Variants in DNTT observed in about 807,000 individuals in gnomAD.
DNTT encodes DNA nucleotidylexotransferase.
Under a neutral mutation model 60.9 loss-of-function variants are expected in DNTT, and 47 were observed. That is an observed-to-expected ratio of 0.77 (90% CI 0.61 to 0.98). The LOEUF (loss-of-function observed/expected upper bound fraction) is 0.98. Among genes scored for constraint, DNTT ranks in the 50% least tolerant of loss-of-function variants. The pLI, the probability that DNTT is intolerant of heterozygous loss-of-function variation, is 0.00. For missense variants in DNTT, 665 were observed against 627.5 expected (o/e 1.06, Z -0.64); for synonymous variants, 224 against 221.2 (o/e 1.01, Z -0.11).
intron 1 of DNTT, among the ~76,000 whole-genome samples, chr10:96,310,126 C>A (rs573295294): frequency 6.6e-6 from 1 of 152,150 alleles, no homozygotes; most frequent in Non-Finnish European, 1.5e-5. Context: ...AGGGACCAAC[C>A]CCCCTACTAC....
intron 1 of DNTT, among the ~76,000 whole-genome samples, chr10:96,314,825 C>T (rs1346471398): frequency 6.6e-6 from 1 of 152,082 alleles, no homozygotes. Flanking sequence ...TAGTAATATT[C>T]TAATATTGTT....
chr10:96,305,327 T>A (rs1034247635), intron 1 of DNTT, among the ~76,000 whole-genome samples: 5 of 152,192 alleles, frequency 3.3e-5, no homozygotes, highest in African/African-American at 1.2e-4. Context: ...TGAGATGTAA[T>A]CAGAGCCCAG....
In DNTT at chr10:96,338,302, G is replaced by C. The variant is rs12573172; in HGVS notation, c.*78G>C. On this transcript the variant is annotated 3_prime_UTR_variant, in exon 11 of 11. Coordinates refer to ENST00000371174, the MANE Select transcript of DNTT (RefSeq NM_004088.4). ...CTTCATATTAGTAAAAGATGCCATA[G>C]GAGAGTTTGGGGTTATTTAGGTCTT... is the stretch of plus-strand genomic sequence containing the variant. 1 of 1,350,320 alleles carries C rather than the reference G, an allele frequency of 7.4e-7. No individual in the cohort carries two copies. The highest frequency in any genetic ancestry group is 2.1e-5 in the Admixed American group (1 of 47,888). The allele number at this position is 1,350,320 out of a possible 1,614,324, so 83.6% of individuals were successfully genotyped here.
chr10:96,325,332 A>G (rs1393101123), intron 6 of DNTT, among the ~76,000 whole-genome samples: 2 of 152,242 alleles, frequency 1.3e-5, no homozygotes, highest in African/African-American at 4.8e-5. Context: ...TTTATATTCC[A>G]GGACCCTGAA....
intron 3 of DNTT, among the ~76,000 whole-genome samples, chr10:96,319,783 A>T (rs1398655704): frequency 6.6e-6 from 1 of 152,230 alleles, no homozygotes; most frequent in African/African-American, 2.4e-5. Flanking sequence ...AAACCAAAAA[A>T]TTGAGCAAAC....
At chr10:96,312,379 G>C (rs1344226118) in intron 1 of DNTT, among the ~76,000 whole-genome samples, 1 of 152,156 alleles carries the variant, frequency 6.6e-6, no homozygotes, top group Non-Finnish European at 1.5e-5. Context: ...GTGGAAATGA[G>C]ACTGTGTGAC....
Position 96,328,820 on chromosome 10 carries a change from G to A in DNTT, c.1103G>A (p.Trp368Ter), listed in dbSNP as rs770537754. The part of the protein sequence containing the change: ...EQLLQKVMNL[W>*]EKKGLLLYYD... ...CTTTTACAGAAAGTGATGAACTTAT[G>A]GGAAAAGAAGGTGAGAAGAAAGATG... The change falls in exon 8 of 11, where the codon TGG becomes TAG. Residue 368 changes from tryptophan (W) to a stop codon, truncating the protein, a stop_gained. Coordinates refer to ENST00000371174, the MANE Select transcript of DNTT (RefSeq NM_004088.4). LOFTEE classifies it high-confidence loss of function. The A allele has an allele frequency of 8.1e-6, 13 of 1,612,428 alleles. No homozygotes were observed. The highest frequency in any genetic ancestry group is 6.8e-6 in the Non-Finnish European group (8 of 1,179,562).
chr10:96,324,852 A>C (rs1022535680), intron 6 of DNTT, among the ~76,000 whole-genome samples: 2 of 152,324 alleles, frequency 1.3e-5, no homozygotes, highest in Non-Finnish European at 1.5e-5. Flanking sequence ...GGCTGCTAAG[A>C]ATACTTGAAC....
intron 8 of DNTT, among the ~76,000 whole-genome samples, chr10:96,330,099 G>A (rs906394963): frequency 1.3e-5 from 2 of 152,222 alleles, no homozygotes; most frequent in East Asian, 1.9e-4. Flanking sequence ...GTAGATAGCC[G>A]GGGCTGGAGA....
At chr10:96,312,205 C>T (rs1355467736) in intron 1 of DNTT, among the ~76,000 whole-genome samples, 1 of 152,138 alleles carries the variant, frequency 6.6e-6, no homozygotes, top group Non-Finnish European at 1.5e-5. Context: ...TAGGCTGGGG[C>T]AGTTCAATAG....
At position 96,313,652 on chromosome 10, in the gene DNTT, T is replaced by G. The variant is rs76241017; in HGVS notation, c.204-4700T>G. On this transcript the variant is annotated intron_variant, in intron 1 of 10. Coordinates refer to ENST00000371174, the MANE Select transcript of DNTT (RefSeq NM_004088.4). Reference sequence around the variant, plus strand: ...TTAAGTAAGAATATGTGCACATGTGTGTATGTCATTATCATTATCTTTGCT... The same window carrying G: ...TTAAGTAAGAATATGTGCACATGTGGGTATGTCATTATCATTATCTTTGCT... 7.4e-3 allele frequency among the ~76,000 whole-genome samples: 1,120 copies of G among 152,334 alleles called. 11 individuals carry two copies. Among genetic ancestry groups the G allele is most frequent in the African/African-American group, 0.026 (1,082 of 41,572 alleles).
chr10:96,318,095 G>A (rs1313896959), intron 1 of DNTT, among the ~76,000 whole-genome samples: 1 of 152,136 alleles, frequency 6.6e-6, no homozygotes, highest in African/African-American at 2.4e-5. Context: ...CTGGACCTTG[G>A]TTTTCCATCA....
At chr10:96,311,828 G>T (rs974987866) in intron 1 of DNTT, among the ~76,000 whole-genome samples, 1 of 152,136 alleles carries the variant, frequency 6.6e-6, no homozygotes, top group African/African-American at 2.4e-5. Context: ...ATTTTTAGTA[G>T]AGACGGGGTT....
At chr10:96,336,774 T>G (rs1183543275) in intron 10 of DNTT, among the ~76,000 whole-genome samples, 1 of 151,826 alleles carries the variant, frequency 6.6e-6, no homozygotes, top group East Asian at 1.9e-4. Context: ...AAACCCCATC[T>G]CTACTAAAAA....
intron 9 of DNTT, among the ~76,000 whole-genome samples, chr10:96,333,924 T>G (rs961908648): frequency 2.6e-5 from 4 of 152,172 alleles, no homozygotes; most frequent in Non-Finnish European, 5.9e-5. Flanking sequence ...ATGGTGACTA[T>G]AGTTAATAAA....
chr10:96,307,175 C>CA (rs1241739708), intron 1 of DNTT, among the ~76,000 whole-genome samples: 1 of 152,118 alleles, frequency 6.6e-6, no homozygotes, highest in Non-Finnish European at 1.5e-5. Context: ...ACCTTTACAG[C>CA]AAAACCCTAA....
intron 1 of DNTT, 104 bp from the exon 2 acceptor site, chr10:96,318,248 G>C (rs1174951720): frequency 9.5e-6 from 13 of 1,361,870 alleles, no homozygotes; most frequent in Non-Finnish European, 1.2e-5. Context: ...GGTCTAGCAT[G>C]TGTCTTTCTC....
In DNTT at chr10:96,338,238, A is replaced by G. The variant is rs759410430; in HGVS notation, c.*14A>G. 3.1e-6 allele frequency: 5 copies of G among 1,599,338 alleles called. No individual in the cohort carries two copies. ...AGAAATGCCTAGGAAAGTGTTGTCA[A>G]CATTTTTTTCCTATTCTTTTCAAGT... On this transcript the variant is annotated 3_prime_UTR_variant, in exon 11 of 11. Transcript: ENST00000371174.
chr10:96,324,069 G>T (rs985408888), intron 5 of DNTT, among the ~76,000 whole-genome samples, 197 bp from the exon 6 acceptor site: 2 of 152,100 alleles, frequency 1.3e-5, no homozygotes, highest in Admixed American at 6.6e-5. Context: ...AATGCCACAT[G>T]TCAAGAAAGG....
Sources: gnomAD v4.1 joint callset for allele counts (sites outside exome capture counted in the v4.1 genomes callset) on GRCh38, gnomAD v4.1.1 for gene constraint, MANE v1.5 for transcripts, NCBI Gene and HGNC (gene_info 2026-07-23, HGNC 2026-07-21) for gene names.